MCPH1: variants seen among roughly 807,000 people sequenced by gnomAD.
MCPH1 encodes microcephalin 1.
In MCPH1, 104 loss-of-function variants were observed where a neutral mutation model predicts 84.5. That is an observed-to-expected ratio of 1.23 (90% CI 1.05 to 1.45). The LOEUF is 1.45. Among genes scored for constraint, MCPH1 ranks in the 40% most tolerant of loss-of-function variants. The probability of loss-of-function intolerance (pLI) is 0.00; values close to 1 mark genes in which losing one functional copy is unlikely to be tolerated. For synonymous variants in MCPH1, 514 were observed against 366.8 expected (o/e 1.40, Z -4.58); for missense variants, 1,498 against 1,005.7 (o/e 1.49, Z -6.62).
At chr8:6,515,396 T>G (rs947531550) in intron 12 of MCPH1, among the ~76,000 whole-genome samples, 4 of 152,200 alleles carry the variant, frequency 2.6e-5, no homozygotes, top group Non-Finnish European at 4.4e-5. Context: ...GCAAGGTGTG[T>G]GACCTGGGCT....
chr8:6,411,566 C>G (rs1264319736), intron 2 of MCPH1, among the ~76,000 whole-genome samples: 2 of 152,176 alleles, frequency 1.3e-5, no homozygotes, highest in African/African-American at 4.8e-5. Flanking sequence ...CTAAGATCGA[C>G]AGTGAGAACA....
At chr8:6,628,818 C>T (rs1296201264) in intron 13 of MCPH1, among the ~76,000 whole-genome samples, 2 of 152,244 alleles carry the variant, frequency 1.3e-5, no homozygotes, top group Admixed American at 1.3e-4. Context: ...CAAAGCTCAA[C>T]CTCCTAATGG....
chr8:6,613,423 T>C (rs1172376766), intron 12 of MCPH1, among the ~76,000 whole-genome samples: 1 of 150,498 alleles, frequency 6.6e-6, no homozygotes, highest in African/African-American at 2.5e-5. Flanking sequence ...CAGTCTGACG[T>C]GGAGAGAAGG....
chr8:6,520,925 T>G (rs1175838680), intron 12 of MCPH1, among the ~76,000 whole-genome samples: 1 of 152,222 alleles, frequency 6.6e-6, no homozygotes, highest in East Asian at 1.9e-4. Context: ...ATCCTTCTAA[T>G]TAATGATGGA....
chr8:6,524,611 G>T (rs1467355131), intron 12 of MCPH1, among the ~76,000 whole-genome samples: 2 of 152,186 alleles, frequency 1.3e-5, no homozygotes, highest in Non-Finnish European at 2.9e-5. Flanking sequence ...TGTACGAGGT[G>T]TTTTTTAGGG....
chr8:6,577,949 G>C (rs1385781003), intron 12 of MCPH1, among the ~76,000 whole-genome samples: 1 of 152,204 alleles, frequency 6.6e-6, no homozygotes, highest in Non-Finnish European at 1.5e-5. Context: ...GTGTCTGTGG[G>C]GGTAGGTCCT....
chr8:6,620,724 T>C (rs1340291430), intron 12 of MCPH1, among the ~76,000 whole-genome samples: 1 of 152,184 alleles, frequency 6.6e-6, no homozygotes, highest in Non-Finnish European at 1.5e-5. Context: ...CAACCCGTAG[T>C]TAGGAAAATG....
chr8:6,451,628 G>A (rs1212961905), intron 8 of MCPH1, among the ~76,000 whole-genome samples: 1 of 152,154 alleles, frequency 6.6e-6, no homozygotes, highest in Non-Finnish European at 1.5e-5. Context: ...TATGAATACA[G>A]TCTCGTTAGC....
At chr8:6,640,407 T>C (rs1487649175) in intron 13 of MCPH1, among the ~76,000 whole-genome samples, 1 of 152,160 alleles carries the variant, frequency 6.6e-6, no homozygotes, top group Non-Finnish European at 1.5e-5. Flanking sequence ...GGTGATCCGA[T>C]TAGTTAAAAA....
At chr8:6,440,041 A>C (rs1803275503) in intron 6 of MCPH1, among the ~76,000 whole-genome samples, 1 of 152,190 alleles carries the variant, frequency 6.6e-6, no homozygotes. Flanking sequence ...CATATGTATT[A>C]TTATCCGCTT....
intron 12 of MCPH1, among the ~76,000 whole-genome samples, chr8:6,503,696 G>C (rs906540571): frequency 7.9e-5 from 12 of 152,296 alleles, no homozygotes; most frequent in African/African-American, 2.9e-4. Flanking sequence ...GATTTTTTCG[G>C]TTGAAGTTTA....
rs1211869572 is a variant in MCPH1, at chr8:6,442,074, A to G, written c.588A>G (p.Gln196=). 1 of 1,611,972 alleles carries G rather than the reference A, an allele frequency of 6.2e-7. No homozygotes were observed. Among genetic ancestry groups the G allele is most frequent in the Non-Finnish European group, 8.5e-7 (1 of 1,178,104 alleles). ...TCTTGGTCCTGTTTTTAGCTTCCCAAATGATTCAGCAGTCTCATGATAATC... is the reference window on the plus strand; with the variant it reads ...TCTTGGTCCTGTTTTTAGCTTCCCAGATGATTCAGCAGTCTCATGATAATC... ...KRENLSPTSS[Q]MIQQSHDNPS... Residue 196 remains glutamine (Q), a synonymous_variant, in exon 7 of 14, where the codon CAA becomes CAG. Transcript: ENST00000344683.
Position 6,488,393 on chromosome 8 carries a change from C to A in MCPH1, c.2136+7517C>A, listed in dbSNP as rs190274122. Among the ~76,000 whole-genome samples the A allele has an allele frequency of 3.0e-3, 450 of 152,212 alleles. 4 individuals carry two copies. The highest frequency in any genetic ancestry group is 0.01 in the African/African-American group (433 of 41,532). On this transcript the variant is annotated intron_variant, in intron 11 of 13. Transcript: ENST00000344683. Reference sequence around the variant, plus strand: ...GGACATTTGGAAAGATGTGGAGAAACCTGTGAGTGCTAAGAATGACTGATG... The same window carrying A: ...GGACATTTGGAAAGATGTGGAGAAAACTGTGAGTGCTAAGAATGACTGATG...
At chr8:6,437,423 G>A (rs1192110821) in intron 5 of MCPH1, among the ~76,000 whole-genome samples, 1 of 152,018 alleles carries the variant, frequency 6.6e-6, no homozygotes, top group African/African-American at 2.4e-5. Flanking sequence ...TAGAAACAGG[G>A]TTTCACCATG....
chr8:6,533,603 A>C (rs1353877702), intron 12 of MCPH1, among the ~76,000 whole-genome samples: 10 of 141,482 alleles, frequency 7.1e-5, no homozygotes, highest in Non-Finnish European at 1.2e-4. Flanking sequence ...AAATAATCTA[A>C]TGATGGGAAC....
rs150754802 is a variant in MCPH1 at position 6,466,268 on chromosome 8, C to T, written c.1935+11016C>T. Among the ~76,000 whole-genome samples the T allele has an allele frequency of 2.1e-3, 312 of 151,624 alleles. 4 individuals carry two copies. Among genetic ancestry groups the T allele is most frequent in the African/African-American group, 7.3e-3 (302 of 41,302 alleles). ...TCTCCTGCCTCAGCCTCCTGAGTAG[C>T]TGGTACTAGAGGCACGTTCCATCAC... On this transcript the variant is annotated intron_variant, in intron 9 of 13. Transcript: ENST00000344683.
chr8:6,542,007 C>CAA (rs764731302), intron 12 of MCPH1, among the ~76,000 whole-genome samples: 2 of 57,214 alleles, frequency 3.5e-5, no homozygotes, highest in African/African-American at 1.2e-4. Flanking sequence ...GACTCAATCT[C>CAA]AAAAAAAAAA....
chr8:6,516,615 C>A (rs1457914474), intron 12 of MCPH1, among the ~76,000 whole-genome samples: 1 of 152,168 alleles, frequency 6.6e-6, no homozygotes, highest in Non-Finnish European at 1.5e-5. Context: ...ATCAATATTT[C>A]TTTTTAAAAA....
At chr8:6,504,918 T>C (rs1812976897) in intron 12 of MCPH1, among the ~76,000 whole-genome samples, 2 of 152,078 alleles carry the variant, frequency 1.3e-5, no homozygotes, top group Admixed American at 1.3e-4. Context: ...GGAGGACTGC[T>C]GTAACCTTGA....
Sources: allele counts gnomAD v4.1 joint callset (sites outside exome capture counted in the v4.1 genomes callset), GRCh38; gene constraint gnomAD v4.1.1; transcripts MANE v1.5; gene names NCBI Gene and HGNC (gene_info 2026-07-23, HGNC 2026-07-21).